SLC9A8: variants seen among roughly 807,000 people sequenced by gnomAD.
SLC9A8 encodes solute carrier family 9 member A8, also known as sodium/hydrogen exchanger 8.
In SLC9A8, 48 loss-of-function variants were observed where a neutral mutation model predicts 66.6. That is an observed-to-expected ratio of 0.72 (90% CI 0.57 to 0.92). SLC9A8 has a LOEUF of 0.92. Among genes scored for constraint, SLC9A8 ranks in the 40% least tolerant of loss-of-function variants. SLC9A8 has a pLI of 0.00. For missense variants in SLC9A8, 599 were observed against 747.3 expected (o/e 0.80, Z 2.31); for synonymous variants, 274 against 282.6 (o/e 0.97, Z 0.31).
chr20:49,837,861 G>A (rs1166573903), intron 3 of SLC9A8, among the ~76,000 whole-genome samples: 1 of 152,224 alleles, frequency 6.6e-6, no homozygotes, highest in South Asian at 2.1e-4. Context: ...GAGCCACCAC[G>A]CCTGGTCGGT....
chr20:49,822,046 G>A (rs1176870990), intron 2 of SLC9A8, among the ~76,000 whole-genome samples: 1 of 152,196 alleles, frequency 6.6e-6, no homozygotes, highest in Non-Finnish European at 1.5e-5. Flanking sequence ...TGTAATCAGA[G>A]AAGATAGTGG....
In SLC9A8 at chr20:49,886,652, G is replaced by A. The variant is rs1164220067; in HGVS notation, c.1492-100G>A. ...GCATTGATGGTCAAGTGGAGTTAGG[G>A]TTGGGGACACTGGCGGCCTGGGTGG... On this transcript the variant is annotated intron_variant, in intron 14 of 15. Coordinates refer to ENST00000361573, the MANE Select transcript of SLC9A8 (RefSeq NM_015266.3). The surrounding 1 kb of genome is among the most constrained non-coding windows in gnomAD (Gnocchi z 4.8). 4 of 1,411,106 alleles carry A rather than the reference G, an allele frequency of 2.8e-6. No individual in the cohort carries two copies. Among genetic ancestry groups the A allele is most frequent in the East Asian group, 2.3e-5 (1 of 43,336 alleles). The allele number at this position is 1,411,106 out of a possible 1,614,324, so 87.4% of individuals were successfully genotyped here.
intron 10 of SLC9A8, among the ~76,000 whole-genome samples, chr20:49,867,585 G>A (rs1426281636): frequency 1.3e-5 from 2 of 152,174 alleles, no homozygotes; most frequent in Non-Finnish European, 2.9e-5. Context: ...AGATGTCCAA[G>A]AGCTCTCTTT....
chr20:49,887,104 G>A (rs528413215), intron 15 of SLC9A8, among the ~76,000 whole-genome samples: 4 of 152,322 alleles, frequency 2.6e-5, no homozygotes, highest in South Asian at 4.1e-4. Flanking sequence ...CATTTAGTGC[G>A]AGGTTAATAA....
At chr20:49,884,256 CACGACACACACACACACG>C in intron 14 of SLC9A8, 190 bp downstream of exon 14, 1 of 285,574 alleles carries the variant, frequency 3.5e-6, no homozygotes, top group Non-Finnish European at 6.7e-6. Flanking sequence ...CACACACACA[CACGACACACACACACACG>C]ACACACACAC....
chr20:49,874,605 A>C, intron 10 of SLC9A8, 100 bp from the exon 11 acceptor site: 1 of 764,728 alleles, frequency 1.3e-6, no homozygotes, highest in Non-Finnish European at 2.3e-6. Context: ...CTTTTTCTTA[A>C]ACCCTCTAAT....
intron 3 of SLC9A8, chr20:49,830,712 G>A: frequency 1.4e-6 from 1 of 693,170 alleles, no homozygotes; most frequent in Non-Finnish European, 2.6e-6. Flanking sequence ...CTTCCTAGGT[G>A]AAGTTGGCAA....
intron 3 of SLC9A8, among the ~76,000 whole-genome samples, chr20:49,835,674 A>G (rs2087501768): frequency 7.6e-6 from 1 of 131,858 alleles, no homozygotes; most frequent in Non-Finnish European, 1.6e-5. Context: ...ATGCCACACA[A>G]TTCACTTTTT....
At chr20:49,841,988 C>T (rs2087782201) in intron 4 of SLC9A8, among the ~76,000 whole-genome samples, 1 of 152,104 alleles carries the variant, frequency 6.6e-6, no homozygotes, top group Admixed American at 6.6e-5. Flanking sequence ...GATCCTCCCA[C>T]CTTGGCCTTC....
chr20:49,836,862 A>G (rs1006508210), intron 3 of SLC9A8, among the ~76,000 whole-genome samples: 1 of 152,200 alleles, frequency 6.6e-6, no homozygotes, highest in Admixed American at 6.5e-5. Context: ...CTTTAAAATT[A>G]TAACTGTGAA....
chr20:49,882,552 C>T (rs892131785), intron 13 of SLC9A8, among the ~76,000 whole-genome samples: 3 of 152,206 alleles, frequency 2.0e-5, no homozygotes, highest in East Asian at 1.9e-4. Context: ...TGCGCTCACC[C>T]GTCCACTGGC....
intron 7 of SLC9A8, among the ~76,000 whole-genome samples, chr20:49,853,218 G>A (rs1311001599): frequency 4.6e-5 from 7 of 152,138 alleles, no homozygotes; most frequent in South Asian, 2.1e-4. Flanking sequence ...ATCACAGCTC[G>A]CTGTAGCCTC....
intron 6 of SLC9A8, among the ~76,000 whole-genome samples, chr20:49,849,901 A>T (rs581456): frequency 0.8 from 121,713 of 152,156 alleles, 48,690 homozygotes; most frequent in East Asian, 0.84. Flanking sequence ...ATTGAGTAAA[A>T]CTTTTCCATA....
chr20:49,884,067 G>T lies in SLC9A8; in HGVS notation c.1491+1G>T, dbSNP rs763691105. Reference sequence around the variant, plus strand: ...CAACCTCAGCAAGACTGAGAAGATGGTTAGTACCATGCGCCTGTGGGGGTG... The same window carrying T: ...CAACCTCAGCAAGACTGAGAAGATGTTTAGTACCATGCGCCTGTGGGGGTG... On this transcript the variant is annotated splice_donor_variant, in intron 14 of 15. Coordinates refer to ENST00000361573, the MANE Select transcript of SLC9A8 (RefSeq NM_015266.3). LOFTEE classifies it high-confidence loss of function. 2 of 1,613,112 alleles carry T rather than the reference G, an allele frequency of 1.2e-6. No individual in the cohort carries two copies. The highest frequency in any genetic ancestry group is 4.5e-5 in the East Asian group (2 of 44,864).
Position 49,886,789 on chromosome 20 carries a change from CGGA to C in SLC9A8, c.1537_1539del (p.Glu513del), listed in dbSNP as rs763427977. The C allele has an allele frequency of 2.5e-6, 4 of 1,614,100 alleles. No individual in the cohort carries two copies. Among genetic ancestry groups the C allele is most frequent in the Non-Finnish European group, 3.4e-6 (4 of 1,179,972 alleles). On this transcript the variant is annotated inframe_deletion, in exon 15 of 16. Coordinates refer to ENST00000361573, the MANE Select transcript of SLC9A8 (RefSeq NM_015266.3). This position sits in a 1 kb window ranked among gnomAD's most constrained non-coding sequence, Gnocchi z 4.8. The stretch of plus-strand genomic sequence containing the variant: ...GAGTCGGAGCACCTGTCGGAGCTCA[CGGA>C]GGAGGAGTACGAGGCCCACTACATC...
At chr20:49,842,843 G>T (rs565860776) in intron 4 of SLC9A8, among the ~76,000 whole-genome samples, 1 of 152,270 alleles carries the variant, frequency 6.6e-6, no homozygotes, top group African/African-American at 2.4e-5. Context: ...ACAGGACCAG[G>T]TTCCCTCCCA....
chr20:49,836,156 T>C (rs1418363595), intron 3 of SLC9A8, among the ~76,000 whole-genome samples: 1 of 152,230 alleles, frequency 6.6e-6, no homozygotes, highest in African/African-American at 2.4e-5. Context: ...TTCATATAAA[T>C]GGAATGGTAA....
intron 5 of SLC9A8, among the ~76,000 whole-genome samples, chr20:49,846,767 A>G (rs1197510227): frequency 6.6e-6 from 1 of 151,946 alleles, no homozygotes; most frequent in Non-Finnish European, 1.5e-5. Context: ...TACAAAAATT[A>G]GCTGGTCGTG....
intron 15 of SLC9A8, among the ~76,000 whole-genome samples, chr20:49,887,424 C>A (rs1456815495): frequency 1.3e-5 from 2 of 152,186 alleles, no homozygotes; most frequent in African/African-American, 2.4e-5. Flanking sequence ...GCTCCAGTGA[C>A]TGTGACCACG....
Sources: allele counts gnomAD v4.1 joint callset (sites outside exome capture counted in the v4.1 genomes callset), GRCh38; gene constraint gnomAD v4.1.1; non-coding constraint Gnocchi (gnomAD v3.1); transcripts MANE v1.5; gene names NCBI Gene and HGNC (gene_info 2026-07-23, HGNC 2026-07-21).